The following ROCK2 variants were observed in gnomAD, a reference collection of about 807,000 sequenced individuals.
ROCK2 encodes the protein rho-associated protein kinase 2.
Under a neutral mutation model 195.1 loss-of-function variants are expected in ROCK2, and 61 were observed. The ratio of observed to expected loss-of-function variants is 0.31; its 90% CI spans 0.25 to 0.39. The LOEUF (loss-of-function observed/expected upper bound fraction) is 0.39, where lower values mean the gene tolerates loss of function less well. ROCK2 is among the 10% of genes least tolerant of loss of function. The probability of loss-of-function intolerance (pLI) is 1.00; values close to 1 mark genes in which losing one functional copy is unlikely to be tolerated. For synonymous variants in ROCK2, 504 were observed against 545.5 expected, an observed-to-expected ratio of 0.92 and a Z score of 1.06; for missense variants, 1,109 against 1,637.4, an observed-to-expected ratio of 0.68 and a Z score of 5.57.
intron 1 of ROCK2, among the ~76,000 whole-genome samples, chr2:11,329,131 A>C (rs911211051): frequency 1.3e-5 from 2 of 152,082 alleles, no homozygotes; most frequent in Non-Finnish European, 2.9e-5. Context: ...TTAAAAATTC[A>C]AGTCATTTTC....
At chr2:11,275,014 T>C (rs1666774386) in intron 3 of ROCK2, among the ~76,000 whole-genome samples, 1 of 152,178 alleles carries the variant, frequency 6.6e-6, no homozygotes, top group African/African-American at 2.4e-5. Flanking sequence ...CCCAGCACTT[T>C]GGGAGGCCAA....
At chr2:11,198,418 T>C (rs532294769) in intron 25 of ROCK2, 73 bp downstream of exon 25, 6 of 1,043,500 alleles carry the variant, frequency 5.7e-6, no homozygotes, top group Non-Finnish European at 8.8e-6. Flanking sequence ...CAATTTGTAA[T>C]GCTAGAAGTA....
chr2:11,207,039 T>C (rs767391739), intron 20 of ROCK2, among the ~76,000 whole-genome samples: 92 of 152,334 alleles, frequency 6.0e-4, no homozygotes, highest in Admixed American at 7.2e-4. Context: ...GTAATTCTCC[T>C]ACTAATAGAA....
At chr2:11,200,916 A>G (rs1558285262) in intron 23 of ROCK2, 41 bp downstream of exon 23, 2 of 1,535,188 alleles carry the variant, frequency 1.3e-6, no homozygotes, top group East Asian at 4.5e-5. Flanking sequence ...AGATATAGCA[A>G]TTTAACTATA....
At chr2:11,276,451 G>A (rs919033667) in intron 3 of ROCK2, among the ~76,000 whole-genome samples, 15 of 152,004 alleles carry the variant, frequency 9.9e-5, no homozygotes, top group African/African-American at 3.4e-4. Context: ...GAACATTTAG[G>A]AATTAACTTA....
At chr2:11,242,555 C>T (rs1236798167) in intron 4 of ROCK2, among the ~76,000 whole-genome samples, 1 of 152,036 alleles carries the variant, frequency 6.6e-6, no homozygotes, top group African/African-American at 2.4e-5. Flanking sequence ...AGCAGAATCC[C>T]ACCCTAAATC....
chr2:11,270,325 A>G (rs1048771196), intron 3 of ROCK2, among the ~76,000 whole-genome samples: 3 of 152,146 alleles, frequency 2.0e-5, no homozygotes, highest in Non-Finnish European at 4.4e-5. Context: ...TGAAAATGAT[A>G]TTCCTAAATC....
chr2:11,320,427 T>G (rs930695622), intron 1 of ROCK2, among the ~76,000 whole-genome samples: 2 of 152,202 alleles, frequency 1.3e-5, no homozygotes, highest in Non-Finnish European at 2.9e-5. Context: ...ACCTAAATAC[T>G]TTAACACTTA....
At chr2:11,194,913 A>C (rs1277431759) in intron 28 of ROCK2, 42 bp downstream of exon 28, 1 of 1,224,414 alleles carries the variant, frequency 8.2e-7, no homozygotes, top group Non-Finnish European at 1.2e-6. Context: ...GAGTTAAAAC[A>C]AAAACAAAAA....
intron 4 of ROCK2, among the ~76,000 whole-genome samples, chr2:11,243,512 G>A (rs1419862061): frequency 6.6e-6 from 1 of 152,124 alleles, no homozygotes; most frequent in Non-Finnish European, 1.5e-5. Flanking sequence ...CATAAATAAT[G>A]TATTAGTATG....
intron 12 of ROCK2, among the ~76,000 whole-genome samples, chr2:11,216,649 G>C (rs1664440395): frequency 1.3e-5 from 2 of 150,642 alleles, no homozygotes; most frequent in Non-Finnish European, 3.0e-5. Flanking sequence ...TAATTCCCTT[G>C]ACCTCCCAAA....
At chr2:11,273,658 A>G (rs777705968) in intron 3 of ROCK2, among the ~76,000 whole-genome samples, 2 of 152,206 alleles carry the variant, frequency 1.3e-5, no homozygotes, top group Non-Finnish European at 2.9e-5. Context: ...GGATATATAC[A>G]GAACACATAA....
At chr2:11,249,049 C>T (rs898736307) in intron 4 of ROCK2, among the ~76,000 whole-genome samples, 3 of 152,042 alleles carry the variant, frequency 2.0e-5, no homozygotes, top group African/African-American at 7.2e-5. Context: ...GTGTGTGCCA[C>T]TATGCCCGGC....
chr2:11,214,203 T>TA (rs1664345063), intron 17 of ROCK2, among the ~76,000 whole-genome samples, 154 bp downstream of exon 17: 1 of 152,064 alleles, frequency 6.6e-6, no homozygotes, highest in Admixed American at 6.5e-5. Context: ...AGCCTGCAGA[T>TA]ACATCTCTTA....
intron 3 of ROCK2, among the ~76,000 whole-genome samples, chr2:11,264,628 G>A (rs887729256): frequency 6.6e-5 from 10 of 152,104 alleles, no homozygotes; most frequent in African/African-American, 2.4e-4. Context: ...AGAAAGTTCC[G>A]AGCAGTAACT....
At chr2:11,313,217 G>A (rs1292494795) in intron 1 of ROCK2, among the ~76,000 whole-genome samples, 1 of 152,050 alleles carries the variant, frequency 6.6e-6, no homozygotes, top group African/African-American at 2.4e-5. Context: ...AACGGAAGGG[G>A]ATGGAGTAGC....
chr2:11,196,217 A>C (rs998490482), intron 27 of ROCK2, among the ~76,000 whole-genome samples: 1 of 152,194 alleles, frequency 6.6e-6, no homozygotes, highest in African/African-American at 2.4e-5. Context: ...GTTTTCATTT[A>C]AACTGTAATC....
At chr2:11,343,953 G>A (rs1669194796) in intron 1 of ROCK2, 43 bp downstream of exon 1, 14 of 1,575,200 alleles carry the variant, frequency 8.9e-6, no homozygotes, top group Non-Finnish European at 1.2e-5. Context: ...GGGATCTGAG[G>A]TGTGAGCTGC....
chr2:11,219,976 C>T (rs1424333100), intron 9 of ROCK2, among the ~76,000 whole-genome samples: 1 of 151,634 alleles, frequency 6.6e-6, no homozygotes, highest in Admixed American at 6.6e-5. Context: ...CCTCTGAGTA[C>T]CTGGGATTAC....
Sources: allele counts gnomAD v4.1 joint callset (sites outside exome capture counted in the v4.1 genomes callset), GRCh38; gene constraint gnomAD v4.1.1; transcripts MANE v1.5; gene names NCBI Gene and HGNC (gene_info 2026-07-23, HGNC 2026-07-21).